Variants in TTC13 observed in about 807,000 individuals in gnomAD.
TTC13 encodes tetratricopeptide repeat domain 13, also known as tetratricopeptide repeat protein 13.
A neutral mutation model predicts 120.0 loss-of-function variants in TTC13; 62 were observed. That is an observed-to-expected ratio of 0.52 (90% CI 0.42 to 0.64). The LOEUF (loss-of-function observed/expected upper bound fraction) is 0.64. Ranked by LOEUF, TTC13 falls within the 30% of genes least tolerant of loss-of-function variation. TTC13 has a pLI of 0.00. For missense variants in TTC13, 824 were observed against 1,050.2 expected, an observed-to-expected ratio of 0.78 and a Z score of 2.98; for synonymous variants, 384 against 393.5, an observed-to-expected ratio of 0.98 and a Z score of 0.28.
chr1:230,933,321 G>T (rs753245398), intron 9 of TTC13, among the ~76,000 whole-genome samples: 3 of 151,818 alleles, frequency 2.0e-5, no homozygotes, highest in Admixed American at 6.6e-5. Context: ...TAATCATCAG[G>T]GCAATGCATG....
At chr1:230,913,494 G>A (rs1404733336) in intron 18 of TTC13, among the ~76,000 whole-genome samples, 4 of 152,110 alleles carry the variant, frequency 2.6e-5, no homozygotes, top group Admixed American at 2.6e-4. Flanking sequence ...TGAGTAGCTG[G>A]GACTACTGGT....
chr1:230,945,370 G>A lies in TTC13; in HGVS notation c.579+19C>T, dbSNP rs768408052. The A allele has an allele frequency of 4.0e-5, 65 of 1,611,288 alleles. No homozygotes were observed. Among genetic ancestry groups the A allele is most frequent in the Admixed American group, 1.0e-4 (6 of 60,008 alleles). On this transcript the variant is annotated intron_variant, in intron 5 of 22. Transcript: ENST00000366661. ...AGGTCATGTAGGCGCTATGGCAATC[G>A]TAACTATTACATACTCACATGTAGT...
At chr1:230,912,074 C>A (rs1189264865) in intron 19 of TTC13, among the ~76,000 whole-genome samples, 2 of 152,150 alleles carry the variant, frequency 1.3e-5, no homozygotes, top group African/African-American at 2.4e-5. Context: ...CTGCAGAACA[C>A]AGAGAAGGGG....
chr1:230,936,306 T>C (rs574078425), intron 8 of TTC13: 24 of 450,746 alleles, frequency 5.3e-5, no homozygotes, highest in African/African-American at 3.2e-4. Context: ...TTTTAAGGCG[T>C]TGGGAACAAA....
At chr1:230,926,561 A>C (rs2102815160) in intron 12 of TTC13, among the ~76,000 whole-genome samples, 1 of 152,264 alleles carries the variant, frequency 6.6e-6, no homozygotes, top group South Asian at 2.1e-4. Flanking sequence ...TAGTTTTGGG[A>C]GTGGTAGGAA....
Position 230,912,768 on chromosome 1 carries a change from CA to C in TTC13, c.2094-11del. The stretch of plus-strand genomic sequence containing the variant: ...TAATATATTGCCAACTCTGAAAATA[CA>C]AAAATAAGTGTGAAAGGCATGTATT... On this transcript the variant is annotated splice_polypyrimidine_tract_variant and intron_variant, in intron 18 of 22. Coordinates refer to ENST00000366661, the MANE Select transcript of TTC13 (RefSeq NM_024525.5). 1 of 1,600,376 alleles carries C rather than the reference CA, an allele frequency of 6.2e-7. No individual in the cohort carries two copies. The highest frequency in any genetic ancestry group is 8.5e-7 in the Non-Finnish European group (1 of 1,176,706).
rs934327209 is a variant in TTC13, at chr1:230,942,323, C to T, written c.672+1483G>A. On this transcript the variant is annotated intron_variant, in intron 6 of 22. Coordinates refer to ENST00000366661, the MANE Select transcript of TTC13 (RefSeq NM_024525.5). The surrounding 1 kb of genome is among the most constrained non-coding windows in gnomAD (Gnocchi z 4.0). ...CCACTAAACACCAACTAAATACCAG[C>T]AAGTCTCATGCAGTGATAAACTATA... Among the ~76,000 whole-genome samples the T allele has an allele frequency of 6.6e-6, 1 of 152,128 alleles. No individual in the cohort carries two copies.
intron 12 of TTC13, 21 bp downstream of exon 12, chr1:230,928,916 A>G (rs778489164): frequency 1.1e-5 from 17 of 1,611,398 alleles, no homozygotes; most frequent in Middle Eastern, 1.6e-4. Context: ...AAAAAAAATC[A>G]TCTTCATTTA....
In TTC13 at chr1:230,925,581, A is replaced by T; in HGVS notation, c.1524T>A (p.Asp508Glu). Residue 508 changes from aspartate (D) to glutamate (E), a missense_variant, in exon 13 of 23, where the codon GAT (aspartate) becomes GAA (glutamate). Coordinates refer to ENST00000366661, the MANE Select transcript of TTC13 (RefSeq NM_024525.5). ...PEVQELICVA[D>E]RLGSLMQYET... is the part of the protein sequence containing the mutation. Reference sequence around the variant, plus strand: ...CATATTGCATCAGGGATCCCAAACGATCAGCCACACAAATCAGCTCCTGTA... The same window carrying T: ...CATATTGCATCAGGGATCCCAAACGTTCAGCCACACAAATCAGCTCCTGTA... 1 of 1,614,168 alleles carries T rather than the reference A, an allele frequency of 6.2e-7. No homozygotes were observed. Among genetic ancestry groups the T allele is most frequent in the Non-Finnish European group, 8.5e-7 (1 of 1,180,008 alleles).
intron 11 of TTC13, among the ~76,000 whole-genome samples, chr1:230,929,636 C>T (rs1673366472): frequency 6.6e-6 from 1 of 152,108 alleles, no homozygotes; most frequent in African/African-American, 2.4e-5. Context: ...ATTTTAATCA[C>T]CTTTCCAGGA....
At chr1:230,975,211 G>GAA (rs112878803) in intron 1 of TTC13, among the ~76,000 whole-genome samples, 57 of 138,260 alleles carry the variant, frequency 4.1e-4, no homozygotes, top group Middle Eastern at 3.7e-3. Context: ...TGTCTCTACA[G>GAA]AAAAAAAAAA....
At position 230,909,611 on chromosome 1, in the gene TTC13, T is replaced by G. The variant is rs538636892; in HGVS notation, c.2310-591A>C. On this transcript the variant is annotated intron_variant, in intron 20 of 22. Coordinates refer to ENST00000366661, the MANE Select transcript of TTC13 (RefSeq NM_024525.5). Reference sequence around the variant, plus strand: ...CGCTCCACCGCACTCCAGCAATGCATGTATACAATAAAGTTCATAAATACA... The same window carrying G: ...CGCTCCACCGCACTCCAGCAATGCAGGTATACAATAAAGTTCATAAATACA... Among the ~76,000 whole-genome samples, 3 of 152,336 alleles carry G rather than the reference T, an allele frequency of 2.0e-5. No homozygotes were observed. The East Asian group carries it at 5.8e-4, about 29-fold the overall frequency.
chr1:230,911,134 A>C (rs1000713640), intron 20 of TTC13, among the ~76,000 whole-genome samples: 5 of 152,242 alleles, frequency 3.3e-5, no homozygotes, highest in Non-Finnish European at 5.9e-5. Context: ...AAGGAAGAGG[A>C]GGAGGAAGAG....
chr1:230,906,685 CT>C lies in TTC13; in HGVS notation c.*219del, dbSNP rs1670964132. 3.5e-6 allele frequency: 1 copy of C among 283,930 alleles called. No homozygotes were observed. The highest frequency in any genetic ancestry group is 2.2e-5 in the African/African-American group (1 of 45,622). The allele number at this position is 283,930 out of a possible 1,614,324, so 17.6% of individuals were successfully genotyped here. A position where few individuals can be genotyped will look rare whatever the true frequency, so the allele number is the denominator to read the frequency against. On this transcript the variant is annotated 3_prime_UTR_variant, in exon 23 of 23. Coordinates refer to ENST00000366661, the MANE Select transcript of TTC13 (RefSeq NM_024525.5). ...AACAGGCTGCCGGCTAATACATACG[CT>C]TTCCCTCCAAGTCAAGTAGCTTTTT...
chr1:230,922,359 C>A (rs1224170410), intron 15 of TTC13, among the ~76,000 whole-genome samples: 3 of 152,180 alleles, frequency 2.0e-5, no homozygotes, highest in Non-Finnish European at 2.9e-5. Flanking sequence ...AACAACTACA[C>A]AATTTTCCAA....
intron 3 of TTC13, among the ~76,000 whole-genome samples, chr1:230,955,022 C>T (rs1353454850): frequency 2.6e-5 from 4 of 152,172 alleles, no homozygotes; most frequent in African/African-American, 7.2e-5. Context: ...CTTTGTATCA[C>T]GTTGTTTAGG....
At chr1:230,919,382 G>A (rs543292263) in intron 17 of TTC13, among the ~76,000 whole-genome samples, 4 of 152,240 alleles carry the variant, frequency 2.6e-5, no homozygotes, top group East Asian at 1.9e-4. Flanking sequence ...AAGGGCAAGA[G>A]AGGCCACTCC....
chr1:230,926,597 T>TA (rs1357145024), intron 12 of TTC13, among the ~76,000 whole-genome samples: 1 of 152,156 alleles, frequency 6.6e-6, no homozygotes, highest in African/African-American at 2.4e-5. Context: ...AGTTCCCAGA[T>TA]ACCAACCAAG....
rs2102722286 is a variant in TTC13 at position 230,908,965 on chromosome 1, C to T, written c.2365G>A (p.Ala789Thr). The T allele has an allele frequency of 6.2e-7, 1 of 1,614,188 alleles. No homozygotes were observed. Among genetic ancestry groups the T allele is most frequent in the Non-Finnish European group, 8.5e-7 (1 of 1,180,032 alleles). Residue 789 changes from alanine (A) to threonine (T), a missense_variant, in exon 21 of 23, where the codon GCA becomes ACA. Physicochemically the swap from Ala to Thr is moderately conservative, Grantham distance 58 (BLOSUM62 0). Transcript: ENST00000366661. ...GALMASGKEV[A>T]GKIPKGKLVD... ...ACCTTCCCTTTGGGAATTTTTCCTGCTACTTCTTTTCCACTTGCCATCAGT... is the reference window on the plus strand; with the variant it reads ...ACCTTCCCTTTGGGAATTTTTCCTGTTACTTCTTTTCCACTTGCCATCAGT...
Sources: gnomAD v4.1 joint callset for allele counts (sites outside exome capture counted in the v4.1 genomes callset) on GRCh38, gnomAD v4.1.1 for gene constraint, Gnocchi (gnomAD v3.1) non-coding constraint, MANE v1.5 for transcripts, NCBI Gene and HGNC (gene_info 2026-07-23, HGNC 2026-07-21) for gene names.